TYW1B: variants seen among roughly 807,000 people sequenced by gnomAD.
The protein encoded by TYW1B is S-adenosyl-L-methionine-dependent tRNA 4-demethylwyosine synthase TYW1B.
In TYW1B, 73 loss-of-function variants were observed where a neutral mutation model predicts 86.9. The ratio of observed to expected loss-of-function variants is 0.84; its 90% confidence interval spans 0.70 to 1.02. TYW1B has a LOEUF of 1.02. Among genes scored for constraint, TYW1B ranks in the 50% least tolerant of loss-of-function variants. TYW1B has a pLI of 0.00. For synonymous variants in TYW1B, 248 were observed against 292.8 expected (o/e 0.85, Z 1.56); for missense variants, 637 against 827.4 (o/e 0.77, Z 2.82).
intron 3 of TYW1B, among the ~76,000 whole-genome samples, chr7:72,812,139 GTT>G (rs34945951): frequency 1.4e-5 from 2 of 146,534 alleles, no homozygotes; most frequent in African/African-American, 5.0e-5. Context: ...TTTTAGAGGT[GTT>G]TTTTTTTTTT....
chr7:72,590,278 C>T (rs1317255999), intron 13 of TYW1B, among the ~76,000 whole-genome samples: 2 of 152,128 alleles, frequency 1.3e-5, no homozygotes, highest in African/African-American at 4.8e-5. Flanking sequence ...CAGCTGTGTA[C>T]ATGTTATGGG....
chr7:72,641,819 C>G (rs1329191554), intron 11 of TYW1B, among the ~76,000 whole-genome samples: 1 of 152,156 alleles, frequency 6.6e-6, no homozygotes, highest in African/African-American at 2.4e-5. Flanking sequence ...AATGCTACCT[C>G]AATAAAAAAT....
At chr7:72,680,260 C>A (rs1554448159) in intron 11 of TYW1B, among the ~76,000 whole-genome samples, 2 of 152,100 alleles carry the variant, frequency 1.3e-5, no homozygotes, top group Non-Finnish European at 2.9e-5. Flanking sequence ...ATCCACCCCT[C>A]AATCTGGGTG....
chr7:72,791,772 T>C (rs1554473537), intron 6 of TYW1B, among the ~76,000 whole-genome samples: 2 of 152,130 alleles, frequency 1.3e-5, no homozygotes, highest in African/African-American at 4.8e-5. Context: ...AAAGACTCCG[T>C]CTTAAACAAA....
intron 9 of TYW1B, among the ~76,000 whole-genome samples, chr7:72,717,198 G>A (rs1450484011): frequency 6.6e-6 from 1 of 151,828 alleles, no homozygotes; most frequent in Admixed American, 6.6e-5. Context: ...CTACTCAGGA[G>A]GCTGAGGCAG....
At chr7:72,653,824 G>A (rs1337530006) in intron 11 of TYW1B, among the ~76,000 whole-genome samples, 3 of 152,104 alleles carry the variant, frequency 2.0e-5, no homozygotes, top group African/African-American at 7.2e-5. Context: ...GCTCACGCCT[G>A]TGATCCCAGC....
intron 6 of TYW1B, among the ~76,000 whole-genome samples, chr7:72,793,485 G>A (rs542939009): frequency 2.0e-4 from 30 of 151,832 alleles, no homozygotes; most frequent in African/African-American, 6.8e-4. Flanking sequence ...GGTGGCTCAC[G>A]CCTGTAATCC....
chr7:72,608,596 TA>T (rs1563028383), intron 13 of TYW1B, among the ~76,000 whole-genome samples: 1 of 152,002 alleles, frequency 6.6e-6, no homozygotes, highest in Non-Finnish European at 1.5e-5. Flanking sequence ...ATTGGCAGAG[TA>T]GACTAAAAAA....
intron 9 of TYW1B, among the ~76,000 whole-genome samples, chr7:72,720,963 T>TTTG (rs1191875528): frequency 1.7e-4 from 26 of 148,810 alleles, no homozygotes; most frequent in African/African-American, 6.2e-4. Context: ...GTGTTCTCAT[T>TTTG]GTTCAATTCC....
intron 13 of TYW1B, among the ~76,000 whole-genome samples, chr7:72,586,471 T>A (rs1339816365): frequency 1.3e-5 from 2 of 152,204 alleles, no homozygotes; most frequent in East Asian, 3.9e-4. Flanking sequence ...GTTTGGTGGC[T>A]CACGCCTGTA....
At chr7:72,662,478 A>C (rs12532370) in intron 11 of TYW1B, among the ~76,000 whole-genome samples, 1 of 147,834 alleles carries the variant, frequency 6.8e-6, no homozygotes, top group African/African-American at 2.5e-5. Flanking sequence ...TAGATAGATA[A>C]ATTTTTTTCC....
At chr7:72,676,743 G>C (rs1414868723) in intron 11 of TYW1B, among the ~76,000 whole-genome samples, 2 of 152,152 alleles carry the variant, frequency 1.3e-5, no homozygotes, top group African/African-American at 4.8e-5. Flanking sequence ...TGGATTGCTT[G>C]AGGCCAGGAG....
chr7:72,645,330 T>C (rs1254760450), intron 11 of TYW1B, among the ~76,000 whole-genome samples: 3 of 152,168 alleles, frequency 2.0e-5, no homozygotes, highest in Admixed American at 2.0e-4. Flanking sequence ...AAAGAAACAT[T>C]GACCAAAGCC....
intron 7 of TYW1B, among the ~76,000 whole-genome samples, chr7:72,763,665 T>C (rs1787725490): frequency 6.6e-6 from 1 of 152,250 alleles, no homozygotes; most frequent in African/African-American, 2.4e-5. Flanking sequence ...GAGTAACTAC[T>C]ATTTATGAGT....
chr7:72,676,957 C>CA lies in TYW1B; in HGVS notation c.1506+17729dup, dbSNP rs1312703596. Among the ~76,000 whole-genome samples, 711 of 144,768 alleles carry CA rather than the reference C, an allele frequency of 4.9e-3. 2 individuals carry two copies. The highest frequency in any genetic ancestry group is 0.015 in the African/African-American group (596 of 39,476). 95.0% of individuals were successfully genotyped at this position (144,768 alleles called of 152,430 possible). A position where few individuals can be genotyped will look rare whatever the true frequency, so the allele number is the denominator to read the frequency against. On this transcript the variant is annotated intron_variant, in intron 11 of 13. Transcript: ENST00000620995. ...TGGGTGACAGAGCGAGAGACTGTCT[C>CA]AAAAAAAAAACCAAACAAACCAAAA...
At chr7:72,794,888 G>A (rs1399648615) in intron 6 of TYW1B, among the ~76,000 whole-genome samples, 1 of 150,826 alleles carries the variant, frequency 6.6e-6, no homozygotes, top group Non-Finnish European at 1.5e-5. Flanking sequence ...ACACGATCTC[G>A]GCTCACTGCA....
At chr7:72,768,838 A>T in intron 7 of TYW1B, 1 of 269,620 alleles carries the variant, frequency 3.7e-6, no homozygotes. Flanking sequence ...CCTGTGCCCT[A>T]TATGACTTCT....
intron 9 of TYW1B, among the ~76,000 whole-genome samples, chr7:72,727,533 T>C (rs1208991611): frequency 2.0e-5 from 3 of 152,080 alleles, no homozygotes; most frequent in Non-Finnish European, 2.9e-5. Context: ...CTGTTAGAAA[T>C]GCACATTCTC....
At chr7:72,757,258 C>T (rs575609263) in intron 7 of TYW1B, among the ~76,000 whole-genome samples, 4 of 151,794 alleles carry the variant, frequency 2.6e-5, no homozygotes, top group Non-Finnish European at 5.9e-5. Context: ...ATCCCAGCTA[C>T]TCAGGAGGCT....
Sources: allele counts gnomAD v4.1 joint callset (sites outside exome capture counted in the v4.1 genomes callset), GRCh38; gene constraint gnomAD v4.1.1; transcripts MANE v1.5; gene names NCBI Gene and HGNC (gene_info 2026-07-23, HGNC 2026-07-21).